The following PLXDC2 variants were observed in gnomAD, a reference collection of about 807,000 sequenced individuals.
PLXDC2 encodes the protein plexin domain containing 2.
In PLXDC2, 40 loss-of-function variants were observed where a neutral mutation model predicts 68.9. The ratio of observed to expected loss-of-function variants is 0.58; its 90% confidence interval spans 0.45 to 0.76. The LOEUF (loss-of-function observed/expected upper bound fraction) is 0.76, where lower values mean the gene tolerates loss of function less well. PLXDC2 is among the 30% of genes least tolerant of loss of function. The pLI, the probability that PLXDC2 is intolerant of heterozygous loss-of-function variation, is 0.00. For missense variants in PLXDC2, 644 were observed against 661.9 expected (o/e 0.97, Z 0.30); for synonymous variants, 243 against 234.2 (o/e 1.04, Z -0.34).
rs1835742742 is a variant in PLXDC2 at position 20,044,211 on chromosome 10, GT to G, written c.325-2657del. 1.0e-4 allele frequency among the ~76,000 whole-genome samples: 7 copies of G among 68,596 alleles called. No individual in the cohort carries two copies. In the South Asian group the frequency reaches 4.3e-3, roughly 42 times the overall value. The allele number at this position is 68,596 out of a possible 152,430, so 45.0% of individuals were successfully genotyped here. ...TTTCTTTCTCTCTCTCTCTCTCTCT[GT>G]CTTTCTTTCTTTCTTTCTTTCTTTC... is the stretch of plus-strand genomic sequence containing the variant. On this transcript the variant is annotated intron_variant, in intron 2 of 13. Transcript: ENST00000377252.
chr10:20,146,170 A>G (rs1232084649), intron 5 of PLXDC2, among the ~76,000 whole-genome samples: 36 of 152,172 alleles, frequency 2.4e-4, no homozygotes. Context: ...GATAGAAACT[A>G]GAAAATAAGG....
chr10:19,849,963 AC>A (rs1217547989), intron 1 of PLXDC2, among the ~76,000 whole-genome samples: 1 of 152,178 alleles, frequency 6.6e-6, no homozygotes, highest in Admixed American at 6.6e-5. Context: ...TGGTCCAAGT[AC>A]GGCCATCTCT....
intron 4 of PLXDC2, among the ~76,000 whole-genome samples, chr10:20,130,723 T>A (rs965469284): frequency 6.6e-6 from 1 of 152,156 alleles, no homozygotes; most frequent in Admixed American, 6.5e-5. Context: ...TTTTGTCAAA[T>A]GCTTTTTTGC....
intron 1 of PLXDC2, among the ~76,000 whole-genome samples, chr10:19,945,067 G>A (rs1284024453): frequency 2.0e-5 from 3 of 152,224 alleles, no homozygotes; most frequent in Non-Finnish European, 4.4e-5. Flanking sequence ...AAAACTCAGT[G>A]ACCGGCCCAA....
chr10:20,129,296 A>T (rs955345377), intron 4 of PLXDC2, among the ~76,000 whole-genome samples: 33 of 152,046 alleles, frequency 2.2e-4, no homozygotes, highest in African/African-American at 8.0e-4. Context: ...ATGTCGGTTC[A>T]AGTCATTTGT....
intron 4 of PLXDC2, among the ~76,000 whole-genome samples, chr10:20,126,403 G>GTGT (rs1589642919): frequency 2.7e-5 from 2 of 73,414 alleles, no homozygotes; most frequent in South Asian, 4.7e-4. Flanking sequence ...ATACATATAT[G>GTGT]TATATACAAC....
intron 1 of PLXDC2, among the ~76,000 whole-genome samples, chr10:19,828,766 A>AT (rs972035536): frequency 1.6e-4 from 24 of 150,064 alleles, no homozygotes; most frequent in Non-Finnish European, 2.5e-4. Flanking sequence ...TAAGAAGCTG[A>AT]TTTTTTTTTT....
At chr10:20,059,861 C>T (rs10740963) in intron 3 of PLXDC2, among the ~76,000 whole-genome samples, 117,626 of 152,068 alleles carry the variant, frequency 0.77, 45,831 homozygotes, top group East Asian at 0.9. Context: ...ACTAGGCCCA[C>T]TTGTGGTCTA....
chr10:19,924,257 G>C (rs184625655), intron 1 of PLXDC2, among the ~76,000 whole-genome samples: 2 of 152,152 alleles, frequency 1.3e-5, no homozygotes, highest in Admixed American at 1.3e-4. Context: ...CTTCCTTTAC[G>C]TTTTCCTAAC....
At chr10:19,835,344 G>C (rs563783769) in intron 1 of PLXDC2, among the ~76,000 whole-genome samples, 1 of 152,188 alleles carries the variant, frequency 6.6e-6, no homozygotes, top group African/African-American at 2.4e-5. Flanking sequence ...AGCACTACTG[G>C]ATCAATAAAG....
chr10:20,136,279 C>T (rs1405651279), intron 4 of PLXDC2, among the ~76,000 whole-genome samples: 1 of 152,154 alleles, frequency 6.6e-6, no homozygotes, highest in East Asian at 1.9e-4. Flanking sequence ...AGTTACATTA[C>T]CAAATAACTT....
At chr10:19,873,056 G>T (rs1837570576) in intron 1 of PLXDC2, among the ~76,000 whole-genome samples, 2 of 152,168 alleles carry the variant, frequency 1.3e-5, no homozygotes, top group African/African-American at 4.8e-5. Context: ...CAGCAAAACG[G>T]TCGGTACAGG....
intron 1 of PLXDC2, among the ~76,000 whole-genome samples, chr10:19,921,863 T>A (rs955581816): frequency 1.3e-5 from 2 of 152,120 alleles, no homozygotes. Flanking sequence ...TTTTTTTTAA[T>A]TTTTTTATTT....
At chr10:20,219,678 C>T (rs746243384) in intron 12 of PLXDC2, among the ~76,000 whole-genome samples, 8 of 152,046 alleles carry the variant, frequency 5.3e-5, no homozygotes, top group Non-Finnish European at 7.4e-5. Flanking sequence ...ATATTGTGAA[C>T]GATATTGGCT....
intron 12 of PLXDC2, among the ~76,000 whole-genome samples, chr10:20,237,021 G>A (rs1835442364): frequency 6.7e-6 from 1 of 149,502 alleles, no homozygotes. Context: ...TTAAAGGATA[G>A]TCATCCTGTA....
chr10:19,941,558 C>A (rs2131398118), intron 1 of PLXDC2, among the ~76,000 whole-genome samples: 1 of 152,236 alleles, frequency 6.6e-6, no homozygotes, highest in South Asian at 2.1e-4. Flanking sequence ...ACCACTGAAC[C>A]TTTTTTAGGA....
chr10:19,820,353 C>T (rs541182375), intron 1 of PLXDC2, among the ~76,000 whole-genome samples: 147 of 152,218 alleles, frequency 9.7e-4, no homozygotes, highest in Middle Eastern at 6.8e-3. Context: ...TGTGTCCGGC[C>T]GGGCGCGGTG....
intron 1 of PLXDC2, among the ~76,000 whole-genome samples, chr10:20,000,997 G>GAGTA (rs1177668149): frequency 6.6e-6 from 1 of 152,142 alleles, no homozygotes; most frequent in Non-Finnish European, 1.5e-5. Flanking sequence ...TTTCCTCCTG[G>GAGTA]AGTAGCAGGA....
chr10:20,099,964 A>G (rs1833401352), intron 4 of PLXDC2, among the ~76,000 whole-genome samples: 1 of 152,212 alleles, frequency 6.6e-6, no homozygotes, highest in African/African-American at 2.4e-5. Context: ...CAAAAGAAAA[A>G]TAAAATATTA....
Sources: allele counts gnomAD v4.1 joint callset (sites outside exome capture counted in the v4.1 genomes callset), GRCh38; gene constraint gnomAD v4.1.1; transcripts MANE v1.5; gene names NCBI Gene and HGNC (gene_info 2026-07-23, HGNC 2026-07-21).